Variants in TEX11 observed in about 807,000 individuals in gnomAD.
TEX11 encodes testis expressed 11.
In TEX11, 7 loss-of-function variants were observed where a neutral mutation model predicts 84.4. The ratio of observed to expected loss-of-function variants is 0.08; its 90% CI spans 0.05 to 0.16. The LOEUF is 0.16. Among genes scored for constraint, TEX11 ranks in the 10% least tolerant of loss-of-function variants. TEX11 has a pLI of 1.00. For missense variants in TEX11, 551 were observed against 660.5 expected (o/e 0.83, Z 1.82); for synonymous variants, 264 against 222.8 (o/e 1.18, Z -1.64).
chrX:70,620,644 G>A (rs2147545651), intron 20 of TEX11, among the ~76,000 whole-genome samples: 1 of 112,342 alleles, frequency 8.9e-6, no homozygotes, highest in East Asian at 2.8e-4. Flanking sequence ...AAAGTTACCT[G>A]CACATGAATG....
chrX:70,735,653 A>G (rs957535284), intron 11 of TEX11, among the ~76,000 whole-genome samples: 1 of 112,364 alleles, frequency 8.9e-6, no homozygotes, highest in Non-Finnish European at 1.9e-5. Context: ...TAATTCCCAA[A>G]TTGATCTGCA....
chrX:70,713,953 A>G (rs1435439889), intron 13 of TEX11, among the ~76,000 whole-genome samples: 2 of 111,450 alleles, frequency 1.8e-5, no homozygotes, highest in African/African-American at 3.3e-5. Context: ...CCCTCTACAC[A>G]CTGCTTTGAA....
At chrX:70,692,953 T>G (rs1461292518) in intron 13 of TEX11, among the ~76,000 whole-genome samples, 1 of 111,774 alleles carries the variant, frequency 8.9e-6, no homozygotes, top group African/African-American at 3.3e-5. Context: ...GTACAAAAAT[T>G]CCAACTTCTG....
chrX:70,905,787 C>T (rs961150041), intron 2 of TEX11, among the ~76,000 whole-genome samples: 3 of 108,322 alleles, frequency 2.8e-5, no homozygotes, highest in African/African-American at 1.0e-4. Flanking sequence ...CACAGTGACT[C>T]ACGCCTGTAA....
chrX:70,572,582 C>G (rs748008346), intron 25 of TEX11, among the ~76,000 whole-genome samples: 126 of 110,455 alleles, frequency 1.1e-3, no homozygotes, highest in African/African-American at 3.9e-3. Flanking sequence ...TTCACAATAG[C>G]AAAGACTTGG....
At chrX:70,771,503 T>C (rs990582533) in intron 9 of TEX11, among the ~76,000 whole-genome samples, 9 of 111,574 alleles carry the variant, frequency 8.1e-5, no homozygotes, top group Admixed American at 6.7e-4. Flanking sequence ...CTTTACTTCA[T>C]TCCATTAATC....
At chrX:70,751,375 T>C (rs2090823110) in intron 9 of TEX11, among the ~76,000 whole-genome samples, 1 of 103,254 alleles carries the variant, frequency 9.7e-6, no homozygotes, top group African/African-American at 3.5e-5. Context: ...CAGCAAACTA[T>C]CGCAAGGACA....
At chrX:70,654,871 G>GT (rs2089848455) in intron 16 of TEX11, among the ~76,000 whole-genome samples, 2 of 110,311 alleles carry the variant, frequency 1.8e-5, no homozygotes, top group African/African-American at 6.6e-5. Context: ...GTAACTACAT[G>GT]TTTTTTAGAA....
At chrX:70,773,964 G>A (rs2090986549) in intron 9 of TEX11, among the ~76,000 whole-genome samples, 1 of 110,718 alleles carries the variant, frequency 9.0e-6, no homozygotes, top group African/African-American at 3.3e-5. Flanking sequence ...CATCCCCATT[G>A]TGGACTCTTG....
intron 13 of TEX11, among the ~76,000 whole-genome samples, chrX:70,698,277 T>C (rs999404685): frequency 2.7e-5 from 3 of 111,363 alleles, no homozygotes; most frequent in African/African-American, 9.8e-5. Flanking sequence ...TTTTATTCCA[T>C]CTATCTAACC....
intron 20 of TEX11, among the ~76,000 whole-genome samples, chrX:70,619,957 C>T (rs1290053726): frequency 9.1e-6 from 1 of 109,469 alleles, no homozygotes; most frequent in Non-Finnish European, 1.9e-5. Flanking sequence ...TACAGCCTCC[C>T]GAGTAGCTGG....
chrX:70,757,359 G>C (rs1424850792), intron 9 of TEX11, among the ~76,000 whole-genome samples: 1 of 111,310 alleles, frequency 9.0e-6, no homozygotes, highest in African/African-American at 3.3e-5. Context: ...AAACATTAAG[G>C]GCAGCCAGAA....
At chrX:70,657,670 A>C (rs996184934) in intron 16 of TEX11, among the ~76,000 whole-genome samples, 2 of 109,996 alleles carry the variant, frequency 1.8e-5, no homozygotes, top group Admixed American at 9.7e-5. Flanking sequence ...GACTTGGAAC[A>C]AACCCAAATG....
intron 25 of TEX11, among the ~76,000 whole-genome samples, chrX:70,569,156 T>G (rs1048282247): frequency 6.5e-4 from 73 of 112,100 alleles, no homozygotes; most frequent in African/African-American, 2.3e-3. Context: ...TTCATTCATT[T>G]CATCTTCCAT....
chrX:70,908,345 T>A (rs2091845535), intron 1 of TEX11, among the ~76,000 whole-genome samples: 2 of 110,096 alleles, frequency 1.8e-5, no homozygotes, highest in African/African-American at 6.6e-5. Flanking sequence ...CCCCCAACGG[T>A]CATCAACAGT....
chrX:70,679,983 A>G (rs1286177725), intron 14 of TEX11, among the ~76,000 whole-genome samples: 1 of 91,775 alleles, frequency 1.1e-5, no homozygotes, highest in African/African-American at 4.0e-5. Flanking sequence ...CCGCCCGGCC[A>G]GCCGCCCCGT....
At chrX:70,590,019 T>C (rs1259982067) in intron 25 of TEX11, among the ~76,000 whole-genome samples, 2 of 112,199 alleles carry the variant, frequency 1.8e-5, no homozygotes, top group Non-Finnish European at 3.8e-5. Flanking sequence ...GATCAGACGA[T>C]GTTGTCTGTT....
intron 8 of TEX11, among the ~76,000 whole-genome samples, chrX:70,830,759 G>A (rs1364373520): frequency 2.7e-5 from 3 of 111,874 alleles, no homozygotes; most frequent in Non-Finnish European, 5.6e-5. Context: ...AAATCACAAT[G>A]AGATATCACC....
At chrX:70,875,699 G>A (rs778980872) in intron 3 of TEX11, among the ~76,000 whole-genome samples, 22 of 110,364 alleles carry the variant, frequency 2.0e-4, no homozygotes, top group Non-Finnish European at 2.7e-4. Flanking sequence ...GCAGTGAGCC[G>A]AGATCGTGCC....
Sources: gnomAD v4.1 joint callset for allele counts (sites outside exome capture counted in the v4.1 genomes callset) on GRCh38, gnomAD v4.1.1 for gene constraint, MANE v1.5 for transcripts, NCBI Gene and HGNC (gene_info 2026-07-23, HGNC 2026-07-21) for gene names.